MBD5: variants seen among roughly 807,000 people sequenced by gnomAD.
MBD5 encodes methyl-CpG binding domain protein 5, also known as methyl-CpG-binding domain protein 5.
A neutral mutation model predicts 117.3 loss-of-function variants in MBD5; 13 were observed. That is an observed-to-expected ratio of 0.11 (90% CI 0.07 to 0.18). MBD5 has a LOEUF of 0.18. Ranked by LOEUF, MBD5 falls within the 10% of genes least tolerant of loss-of-function variation. MBD5 has a pLI of 1.00. For synonymous variants in MBD5, 727 were observed against 766.4 expected, an observed-to-expected ratio of 0.95 and a Z score of 0.85; for missense variants, 1,879 against 2,093.8, an observed-to-expected ratio of 0.90 and a Z score of 2.00.
At chr2:148,329,953 A>C (rs1298069649) in intron 3 of MBD5, among the ~76,000 whole-genome samples, 1 of 151,602 alleles carries the variant, frequency 6.6e-6, no homozygotes, top group African/African-American at 2.4e-5. Flanking sequence ...TATATCTATC[A>C]TATCAGTTCA....
At chr2:148,410,086 T>C (rs904946492) in intron 4 of MBD5, among the ~76,000 whole-genome samples, 1 of 152,162 alleles carries the variant, frequency 6.6e-6, no homozygotes, top group Non-Finnish European at 1.5e-5. Context: ...CCAAAGGATA[T>C]GCACATTTAA....
intron 1 of MBD5, among the ~76,000 whole-genome samples, chr2:148,022,503 A>G (rs747426753): frequency 2.2e-4 from 33 of 152,150 alleles, no homozygotes; most frequent in Non-Finnish European, 3.7e-4. Flanking sequence ...TAATCTGGGT[A>G]TATTTGTAAT....
intron 3 of MBD5, among the ~76,000 whole-genome samples, chr2:148,313,997 A>C (rs1019534036): frequency 1.3e-5 from 2 of 151,446 alleles, no homozygotes; most frequent in African/African-American, 4.9e-5. Context: ...TCAATGTGGT[A>C]AGTTGGATAC....
At chr2:148,204,300 T>G (rs1355719457) in intron 2 of MBD5, among the ~76,000 whole-genome samples, 1 of 151,550 alleles carries the variant, frequency 6.6e-6, no homozygotes, top group Non-Finnish European at 1.5e-5. Flanking sequence ...TGGATTAAAA[T>G]GTGAAGAATG....
Position 148,510,127 on chromosome 2 carries a change from T to C in MBD5, c.5104T>C (p.Ser1702Pro), listed in dbSNP as rs1131691294. Residue 1702 changes from serine to proline, a missense_variant, in exon 13 of 14, where the codon TCT (serine) becomes CCT (proline). Coordinates refer to ENST00000642680, the MANE Select transcript of MBD5 (RefSeq NM_001378120.1). ...HEAMSELDKM[S>P]GTVHQIPQGD... ...GGCCATGAGTGAACTGGACAAAATG[T>C]CTGGGACTGTAAGTTAATTTATTTT... 1.9e-6 allele frequency: 3 copies of C among 1,606,744 alleles called. No homozygotes were observed. Among genetic ancestry groups the C allele is most frequent in the Non-Finnish European group, 2.6e-6 (3 of 1,173,476 alleles).
chr2:148,403,653 A>G (rs572247681), intron 4 of MBD5, among the ~76,000 whole-genome samples: 4 of 152,222 alleles, frequency 2.6e-5, no homozygotes, highest in Non-Finnish European at 5.9e-5. Context: ...TTCAATGGCA[A>G]CATCTGGTAA....
At chr2:148,148,685 A>G (rs1697541597) in intron 1 of MBD5, among the ~76,000 whole-genome samples, 1 of 151,748 alleles carries the variant, frequency 6.6e-6, no homozygotes, top group South Asian at 2.1e-4. Flanking sequence ...GTATTTCCCA[A>G]TTTCTATGGG....
chr2:148,368,244 C>T (rs923027608), intron 4 of MBD5, among the ~76,000 whole-genome samples: 15 of 152,218 alleles, frequency 9.9e-5, no homozygotes, highest in Admixed American at 4.6e-4. Context: ...CCAAACACCG[C>T]ATGTTCTCAC....
At chr2:148,473,843 C>T (rs1333242582) in intron 8 of MBD5, among the ~76,000 whole-genome samples, 1 of 152,144 alleles carries the variant, frequency 6.6e-6, no homozygotes, top group Non-Finnish European at 1.5e-5. Flanking sequence ...GTTGCCTTTC[C>T]ACTAAAGCTT....
At chr2:148,038,737 A>G (rs1024625417) in intron 1 of MBD5, among the ~76,000 whole-genome samples, 2 of 152,000 alleles carry the variant, frequency 1.3e-5, no homozygotes, top group Admixed American at 1.3e-4. Flanking sequence ...ACGGATAAAG[A>G]TTTGTAAGGA....
At chr2:148,181,892 A>T (rs542528965) in intron 2 of MBD5, among the ~76,000 whole-genome samples, 4 of 152,278 alleles carry the variant, frequency 2.6e-5, no homozygotes, top group African/African-American at 9.6e-5. Flanking sequence ...TGATATTTTT[A>T]AAAGTTTATC....
chr2:148,342,112 A>C (rs1702962992), intron 3 of MBD5, 102 bp from the exon 4 acceptor site: 1 of 152,052 alleles, frequency 6.6e-6, no homozygotes, highest in Admixed American at 6.6e-5. Flanking sequence ...TTTGGCAAAG[A>C]CTTATTGATG....
intron 3 of MBD5, among the ~76,000 whole-genome samples, chr2:148,294,509 T>TTTTTTGTTTTTTTTTG (rs750245317): frequency 6.9e-5 from 9 of 130,068 alleles, no homozygotes; most frequent in African/African-American, 1.8e-4. Flanking sequence ...CAGTTTTTTT[T>TTTTTTGTTTTTTTTTG]TTTTTTTTTT....
chr2:148,027,550 A>G (rs1040091476), intron 1 of MBD5: 1 of 152,122 alleles, frequency 6.6e-6, no homozygotes, highest in Non-Finnish European at 1.5e-5. Context: ...TAAAAATCTG[A>G]AACTTTTTGA....
chr2:148,231,268 G>A (rs1385657004), intron 2 of MBD5, among the ~76,000 whole-genome samples: 1 of 152,110 alleles, frequency 6.6e-6, no homozygotes, highest in Admixed American at 6.5e-5. Flanking sequence ...AACAGGCCTG[G>A]TTAAAATGCT....
At chr2:148,179,326 G>T (rs955490526) in intron 2 of MBD5, among the ~76,000 whole-genome samples, 12 of 150,036 alleles carry the variant, frequency 8.0e-5, no homozygotes, top group Middle Eastern at 3.4e-3. Flanking sequence ...CTGCACTCCA[G>T]CCTGGGTGAC....
intron 4 of MBD5, among the ~76,000 whole-genome samples, chr2:148,446,745 C>T (rs1706544993): frequency 6.6e-6 from 1 of 151,796 alleles, no homozygotes; most frequent in South Asian, 2.1e-4. Context: ...GGAGGTAGAA[C>T]AAAATAAGTT....
At chr2:148,076,166 C>CA (rs1458068875) in intron 1 of MBD5, among the ~76,000 whole-genome samples, 13 of 131,730 alleles carry the variant, frequency 9.9e-5, no homozygotes, top group African/African-American at 3.6e-4. Flanking sequence ...TTTGAAAACT[C>CA]AAAGTCGTCG....
intron 4 of MBD5, among the ~76,000 whole-genome samples, chr2:148,401,787 A>C (rs1166658898): frequency 6.6e-6 from 1 of 152,078 alleles, no homozygotes; most frequent in Non-Finnish European, 1.5e-5. Flanking sequence ...AATGCACTTT[A>C]TCTTTTTCAG....
Sources: allele counts gnomAD v4.1 joint callset (sites outside exome capture counted in the v4.1 genomes callset), GRCh38; gene constraint gnomAD v4.1.1; transcripts MANE v1.5; gene names NCBI Gene and HGNC (gene_info 2026-07-23, HGNC 2026-07-21).